Variants in NOTUM observed in about 807,000 individuals in gnomAD.
NOTUM encodes notum, palmitoleoyl-protein carboxylesterase, also known as palmitoleoyl-protein carboxylesterase NOTUM.
A neutral mutation model predicts 65.5 loss-of-function variants in NOTUM; 36 were observed. The observed-to-expected ratio is 0.55, with a 90% CI of 0.42 to 0.73. The LOEUF (loss-of-function observed/expected upper bound fraction) is 0.73, where lower values mean the gene tolerates loss of function less well. Among genes scored for constraint, NOTUM ranks in the 30% least tolerant of loss-of-function variants. NOTUM has a pLI of 0.00. For missense variants in NOTUM, 659 were observed against 694.2 expected (o/e 0.95, Z 0.57); for synonymous variants, 356 against 297.9 (o/e 1.20, Z -2.01).
rs182271068 is a variant in NOTUM, at chr17:81,955,369, G to T, written c.1136+28C>A. On this transcript the variant is annotated intron_variant, in intron 9 of 10. Coordinates refer to ENST00000409678, the MANE Select transcript of NOTUM (RefSeq NM_178493.6). ...TTAAATAAGGAGGGAGCTACCCGGC[G>T]TGGGGCTCCCGGGGCCCACACACTC... The T allele has an allele frequency of 3.0e-5, 46 of 1,533,642 alleles. No homozygotes were observed. In the Middle Eastern group the frequency reaches 1.3e-3, roughly 42 times the overall value.
In NOTUM at chr17:81,957,728, A is replaced by T. The variant is rs2041443935; in HGVS notation, c.695+78T>A. On this transcript the variant is annotated intron_variant, in intron 6 of 10. Coordinates refer to ENST00000409678, the MANE Select transcript of NOTUM (RefSeq NM_178493.6). ...CCACTCCATCCTCGCCTCTCATACAACCCCACCCCACACCCCTTCCATGCA... is the reference window on the plus strand; with the variant it reads ...CCACTCCATCCTCGCCTCTCATACATCCCCACCCCACACCCCTTCCATGCA... 4 of 1,017,368 alleles carry T rather than the reference A, an allele frequency of 3.9e-6. No individual in the cohort carries two copies. In the Admixed American group the frequency reaches 8.2e-5, roughly 21 times the overall value. 63.0% of individuals were successfully genotyped at this position (1,017,368 alleles called of 1,614,324 possible). A position where few individuals can be genotyped will look rare whatever the true frequency, so the allele number is the denominator to read the frequency against.
In NOTUM at chr17:81,960,768, G is replaced by C. The variant is rs1475291940; in HGVS notation, c.142C>G (p.Pro48Ala). 1.3e-6 allele frequency: 2 copies of C among 1,579,570 alleles called. No individual in the cohort carries two copies. Among genetic ancestry groups the C allele is most frequent in the Admixed American group, 3.6e-5 (2 of 55,822 alleles). ...AAGTCCAGCGGGAAGCTCTCCACGG[G>C]CTGTCCGGCCGCCGGCGCCGCCTCG... ...RTEAAPAAGQ[P>A]VESFPLDFTA... The change falls in exon 1 of 11, where the codon CCC becomes GCC. Residue 48 changes from proline (P) to alanine (A), a missense_variant. By Grantham distance (27) the Pro-to-Ala change is conservative. Transcript: ENST00000409678. The surrounding 1 kb of genome is among the most constrained non-coding windows in gnomAD (Gnocchi z 6.4).
Position 81,953,181 on chromosome 17 carries a change from G to T in NOTUM, c.1271C>A (p.Ala424Asp), listed in dbSNP as rs1297131405. Residue 424 changes from alanine (A) to aspartate (D), a missense_variant, in exon 11 of 11, where the codon GCC becomes GAC. Ala to Asp is a moderately radical substitution (Grantham distance 126, BLOSUM62 -2). Transcript: ENST00000409678. ...GCAGCCCTTGAGGGGGGTCTTGCTG[G>T]CCTTGTGGCTGTCATGGAGGCTCCT... ...WDRSLHDSHK[A>D]SKTPLKGCPV... 1.2e-6 allele frequency: 2 copies of T among 1,613,060 alleles called. No individual in the cohort carries two copies. The highest frequency in any genetic ancestry group is 3.3e-5 in the Admixed American group (2 of 59,992).
chr17:81,956,632 G>A lies in NOTUM; in HGVS notation c.988+18C>T, dbSNP rs774385518. The A allele has an allele frequency of 7.8e-5, 121 of 1,557,892 alleles. No individual in the cohort carries two copies. The highest frequency in any genetic ancestry group is 1.0e-4 in the Non-Finnish European group (116 of 1,130,842). On this transcript the variant is annotated intron_variant, in intron 8 of 10. Coordinates refer to ENST00000409678, the MANE Select transcript of NOTUM (RefSeq NM_178493.6). ...CCACCCCTGCTGCCCTGTGTGCTCC[G>A]CTCTGCCGCCCACTCACAGCGCAGG... is the stretch of plus-strand genomic sequence containing the variant.
intron 4 of NOTUM, 24 bp from the exon 5 acceptor site, chr17:81,958,417 CTG>C: frequency 6.3e-7 from 1 of 1,579,390 alleles, no homozygotes; most frequent in Non-Finnish European, 8.7e-7. Context: ...CAGAGTGAGC[CTG>C]TCACAGCGCC....
Position 81,960,500 on chromosome 17 carries a change from G to T in NOTUM, c.323+87C>A. The T allele has an allele frequency of 1.0e-6, 1 of 969,220 alleles. No individual in the cohort carries two copies. The highest frequency in any genetic ancestry group is 1.4e-6 in the Non-Finnish European group (1 of 690,688). The allele number at this position is 969,220 out of a possible 1,614,324, so 60.0% of individuals were successfully genotyped here. On this transcript the variant is annotated intron_variant, in intron 1 of 10. Coordinates refer to ENST00000409678, the MANE Select transcript of NOTUM (RefSeq NM_178493.6). This position sits in a 1 kb window ranked among gnomAD's most constrained non-coding sequence, Gnocchi z 6.4. ...CCGACGGAAGCCCTTTCTCCCCGGG[G>T]AGAGAACGGCCGCGGCCCGCAGGGA...
At chr17:81,959,825 C>T (rs2041460668) in intron 1 of NOTUM, 133 bp from the exon 2 acceptor site, 1 of 349,096 alleles carries the variant, frequency 2.9e-6, no homozygotes. Context: ...GCGCCCTCGG[C>T]CAGGCCCACG....
At position 81,957,091 on chromosome 17, in the gene NOTUM, A is replaced by C; in HGVS notation, c.696-17T>G. ...CCCCCCGCGCTGCAAGGAGGGCCAG[A>C]CGTGAGGCCAGGTGGCTGGGAAGAG... On this transcript the variant is annotated splice_polypyrimidine_tract_variant and intron_variant, in intron 6 of 10. Transcript: ENST00000409678. The C allele has an allele frequency of 6.3e-7, 1 of 1,585,542 alleles. No individual in the cohort carries two copies. Among genetic ancestry groups the C allele is most frequent in the Non-Finnish European group, 8.5e-7 (1 of 1,169,694 alleles).
chr17:81,954,368 C>T lies in NOTUM; in HGVS notation c.1137-65G>A, dbSNP rs1221269046. ...CCTCAGCCCCTTTTCCACCCCCACT[C>T]CCCTAGAGCTGTCCCCCGCCTGGCC... On this transcript the variant is annotated intron_variant, in intron 9 of 10. Transcript: ENST00000409678. 5.9e-6 allele frequency: 7 copies of T among 1,186,884 alleles called. No homozygotes were observed. In the Admixed American group the frequency reaches 7.2e-5, roughly 12 times the overall value. The allele number at this position is 1,186,884 out of a possible 1,614,324, so 73.5% of individuals were successfully genotyped here.
In NOTUM at chr17:81,960,929, G is replaced by A. The variant is rs2041471878; in HGVS notation, c.-20C>T. The A allele has an allele frequency of 6.6e-6, 8 of 1,218,646 alleles. No individual in the cohort carries two copies. Among genetic ancestry groups the A allele is most frequent in the South Asian group, 7.8e-5 (2 of 25,762 alleles). 75.5% of individuals were successfully genotyped at this position (1,218,646 alleles called of 1,614,324 possible). ...GCCCATGGCCGCGTCCACCTGCGGG[G>A]AGCGGGCGGCCTTGAGGCGGCGGCG... is the stretch of plus-strand genomic sequence containing the variant. On this transcript the variant is annotated 5_prime_UTR_variant, in exon 1 of 11. Coordinates refer to ENST00000409678, the MANE Select transcript of NOTUM (RefSeq NM_178493.6). This position sits in a 1 kb window ranked among gnomAD's most constrained non-coding sequence, Gnocchi z 6.4.
intron 3 of NOTUM, 75 bp from the exon 4 acceptor site, chr17:81,959,070 G>A: frequency 2.4e-6 from 3 of 1,268,972 alleles, no homozygotes; most frequent in South Asian, 2.4e-5. Flanking sequence ...CCCTGGTGAG[G>A]TGTTGGGGCT....
intron 1 of NOTUM, 174 bp from the exon 2 acceptor site, chr17:81,959,866 G>A: frequency 1.7e-5 from 4 of 237,742 alleles, no homozygotes; most frequent in Non-Finnish European, 3.2e-5. Flanking sequence ...GGTCCCGGGA[G>A]GTGGCGCTCG....
At chr17:81,953,864 C>T (rs1215308847) in intron 10 of NOTUM, among the ~76,000 whole-genome samples, 2 of 151,592 alleles carry the variant, frequency 1.3e-5, no homozygotes, top group Non-Finnish European at 1.5e-5. Flanking sequence ...TCACCATAAC[C>T]TCTGTCTCCC....
In NOTUM at chr17:81,954,270, C is replaced by G; in HGVS notation, c.1170G>C (p.Glu390Asp). 1.2e-6 allele frequency: 2 copies of G among 1,613,102 alleles called. No individual in the cohort carries two copies. The highest frequency in any genetic ancestry group is 1.7e-6 in the Non-Finnish European group (2 of 1,179,052). Residue 390 changes from glutamate to aspartate, a missense_variant, in exon 10 of 11, where the codon GAG (glutamate) becomes GAC (aspartate). Physicochemically the swap from Glu to Asp is conservative, Grantham distance 45. Coordinates refer to ENST00000409678, the MANE Select transcript of NOTUM (RefSeq NM_178493.6). ...ASFAPACLSH[E>D]IIIRSHWTDV... Reference sequence around the variant, plus strand: ...GGGACACTGACCTCCGGATGATGATCTCATGGGAGAGGCAGGCGGGGGCAA... The same window carrying G: ...GGGACACTGACCTCCGGATGATGATGTCATGGGAGAGGCAGGCGGGGGCAA...
chr17:81,955,392 C>T lies in NOTUM; in HGVS notation c.1136+5G>A. The T allele has an allele frequency of 6.4e-7, 1 of 1,568,256 alleles. No homozygotes were observed. ...GCGTGGGGCTCCCGGGGCCCACACA[C>T]TCACGGCACGTCCTTGAGTGTGTGG... On this transcript the variant is annotated splice_donor_5th_base_variant and intron_variant, in intron 9 of 10. Coordinates refer to ENST00000409678, the MANE Select transcript of NOTUM (RefSeq NM_178493.6).
chr17:81,953,772 C>CTTTTTTTTTTTTT (rs35740276), intron 10 of NOTUM, among the ~76,000 whole-genome samples: 2 of 141,550 alleles, frequency 1.4e-5, no homozygotes, highest in African/African-American at 2.6e-5. Context: ...CAGCCTGAGT[C>CTTTTTTTTTTTTT]TTTTTTTTTT....
intron 4 of NOTUM, 99 bp downstream of exon 4, chr17:81,958,836 A>C: frequency 1.1e-6 from 1 of 904,078 alleles, no homozygotes; most frequent in Non-Finnish European, 1.8e-6. Flanking sequence ...CAGGACCCCC[A>C]GGAAAGACCA....
chr17:81,956,508 G>A, intron 8 of NOTUM, 142 bp downstream of exon 8: 1 of 633,610 alleles, frequency 1.6e-6, no homozygotes, highest in Non-Finnish European at 2.8e-6. Context: ...CTCCTCCCTG[G>A]TACACAGCCG....
Position 81,956,728 on chromosome 17 carries a change from C to T in NOTUM, c.910G>A (p.Glu304Lys), listed in dbSNP as rs771671091. 1.2e-6 allele frequency: 2 copies of T among 1,612,862 alleles called. No individual in the cohort carries two copies. Among genetic ancestry groups the T allele is most frequent in the Non-Finnish European group, 1.7e-6 (2 of 1,179,884 alleles). ...TCCTGGAACTGGCGTCGGCAGCGCT[C>T]CGGGACCACCCCGTTCCAGTACCTG... Reference protein sequence around the residue: ...GIRYWNGVVPERCRRQFQEGE... With the variant: ...GIRYWNGVVPKRCRRQFQEGE... Residue 304 changes from glutamate (E) to lysine (K), a missense_variant, in exon 8 of 11, where the codon GAG becomes AAG. Transcript: ENST00000409678.
Sources: gnomAD v4.1 joint callset for allele counts (sites outside exome capture counted in the v4.1 genomes callset) on GRCh38, gnomAD v4.1.1 for gene constraint, Gnocchi (gnomAD v3.1) non-coding constraint, MANE v1.5 for transcripts, NCBI Gene and HGNC (gene_info 2026-07-23, HGNC 2026-07-21) for gene names.